Variants in GMDS observed in about 807,000 individuals in gnomAD.
GMDS encodes the protein GDP-mannose 4,6 dehydratase.
In GMDS, 20 loss-of-function variants were observed where a neutral mutation model predicts 49.9. The ratio of observed to expected loss-of-function variants is 0.40; its 90% CI spans 0.28 to 0.58. The LOEUF is 0.58. GMDS is among the 20% of genes least tolerant of loss of function. GMDS has a pLI of 0.42. For missense variants in GMDS, 362 were observed against 481.4 expected (o/e 0.75, Z 2.32); for synonymous variants, 177 against 178.6 (o/e 0.99, Z 0.07).
intron 4 of GMDS, among the ~76,000 whole-genome samples, chr6:2,093,304 A>T (rs1451049619): frequency 6.6e-6 from 1 of 152,234 alleles, no homozygotes; most frequent in Non-Finnish European, 1.5e-5. Flanking sequence ...GAAAAAACAC[A>T]AATAAGTACA....
At chr6:2,236,267 T>C (rs993609127) in intron 1 of GMDS, among the ~76,000 whole-genome samples, 5 of 152,148 alleles carry the variant, frequency 3.3e-5, no homozygotes, top group African/African-American at 1.2e-4. Context: ...GAAAATACTA[T>C]ACAAACAGAG....
At chr6:2,088,253 G>A (rs1419981178) in intron 4 of GMDS, among the ~76,000 whole-genome samples, 1 of 152,158 alleles carries the variant, frequency 6.6e-6, no homozygotes, top group Non-Finnish European at 1.5e-5. Context: ...GCAGAGTGTG[G>A]GGGATATGGG....
intron 7 of GMDS, among the ~76,000 whole-genome samples, chr6:1,882,304 T>A (rs1050449594): frequency 2.0e-5 from 3 of 152,242 alleles, no homozygotes; most frequent in Admixed American, 6.5e-5. Context: ...ATTGGCTTTT[T>A]AAAATGGATA....
At chr6:2,096,986 A>G (rs1773641388) in intron 4 of GMDS, among the ~76,000 whole-genome samples, 1 of 152,168 alleles carries the variant, frequency 6.6e-6, no homozygotes, top group Non-Finnish European at 1.5e-5. Context: ...TTATATAGTC[A>G]CTAAAGACAG....
intron 4 of GMDS, among the ~76,000 whole-genome samples, chr6:2,102,388 A>C (rs1773976320): frequency 6.6e-6 from 1 of 152,232 alleles, no homozygotes; most frequent in Admixed American, 6.5e-5. Flanking sequence ...GAAAATTAAT[A>C]TGCTGGTTTT....
chr6:2,068,604 C>T (rs1192449672), intron 4 of GMDS, among the ~76,000 whole-genome samples: 1 of 152,046 alleles, frequency 6.6e-6, no homozygotes, highest in Non-Finnish European at 1.5e-5. Context: ...AAATCACAAG[C>T]ATTCTTATAC....
chr6:2,201,420 A>T (rs34874947), intron 1 of GMDS, among the ~76,000 whole-genome samples: 5,783 of 85,180 alleles, frequency 0.068, 331 homozygotes, highest in Admixed American at 0.09. Context: ...GCAGCATGTT[A>T]GCAGAGAGGT....
intron 9 of GMDS, among the ~76,000 whole-genome samples, chr6:1,644,239 C>A (rs1763420884): frequency 6.6e-6 from 1 of 152,136 alleles, no homozygotes; most frequent in Non-Finnish European, 1.5e-5. Flanking sequence ...CTGATTCCAC[C>A]CGAGCGAACG....
intron 9 of GMDS, among the ~76,000 whole-genome samples, chr6:1,658,202 A>G (rs942533673): frequency 2.6e-5 from 4 of 152,234 alleles, no homozygotes; most frequent in Non-Finnish European, 5.9e-5. Flanking sequence ...TTCCTACTGA[A>G]GGTGTCCACA....
At chr6:1,638,265 G>A (rs1581396412) in intron 9 of GMDS, among the ~76,000 whole-genome samples, 1 of 152,170 alleles carries the variant, frequency 6.6e-6, no homozygotes, top group African/African-American at 2.4e-5. Context: ...AAAGCCTGAT[G>A]CCGCCCTGGG....
chr6:1,786,799 G>GTTT (rs35301662), intron 7 of GMDS, among the ~76,000 whole-genome samples: 66 of 149,470 alleles, frequency 4.4e-4, no homozygotes, highest in African/African-American at 1.6e-3. Flanking sequence ...GTAATTTGTG[G>GTTT]TTTTTTTTTT....
chr6:1,987,921 A>G (rs115501561), intron 4 of GMDS, among the ~76,000 whole-genome samples: 2,325 of 152,296 alleles, frequency 0.015, 54 homozygotes, highest in African/African-American at 0.053. Flanking sequence ...AAAAAAAACT[A>G]AAGCTCAGAG....
intron 1 of GMDS, among the ~76,000 whole-genome samples, chr6:2,130,775 T>TA (rs1187322166): frequency 6.6e-6 from 1 of 151,860 alleles, no homozygotes; most frequent in Non-Finnish European, 1.5e-5. Context: ...GATTTACATA[T>TA]AAAAAATATC....
Position 2,052,116 on chromosome 6 carries a change from CA to C in GMDS, c.345+63654del, listed in dbSNP as rs1285013159. ...TGGGTGACAGAGCAAGACTCTGTCT[CA>C]AAAAAAAAAAAAAGAAAAAAAAAAA... is the stretch of plus-strand genomic sequence containing the variant. On this transcript the variant is annotated intron_variant, in intron 4 of 10. Coordinates refer to ENST00000380815, the MANE Select transcript of GMDS (RefSeq NM_001500.4). Among the ~76,000 whole-genome samples, 322 of 43,598 alleles carry C rather than the reference CA, an allele frequency of 7.4e-3. 4 individuals carry two copies. The highest frequency in any genetic ancestry group is 0.025 in the African/African-American group (286 of 11,656). 28.6% of individuals were successfully genotyped at this position (43,598 alleles called of 152,430 possible).
At chr6:2,211,919 T>C (rs1780079487) in intron 1 of GMDS, among the ~76,000 whole-genome samples, 1 of 152,226 alleles carries the variant, frequency 6.6e-6, no homozygotes, top group Non-Finnish European at 1.5e-5. Context: ...AAAATATGAC[T>C]TTCCTATCCC....
chr6:2,089,650 T>C (rs777126857), intron 4 of GMDS, among the ~76,000 whole-genome samples: 9 of 152,342 alleles, frequency 5.9e-5, no homozygotes, highest in Non-Finnish European at 1.3e-4. Context: ...TGAAAACTTA[T>C]TCTTGGGTCT....
intron 7 of GMDS, among the ~76,000 whole-genome samples, chr6:1,785,860 A>G (rs937003611): frequency 1.3e-5 from 2 of 152,204 alleles, no homozygotes; most frequent in Non-Finnish European, 2.9e-5. Context: ...CGCACCATTC[A>G]GCACCCTCTT....
intron 8 of GMDS, among the ~76,000 whole-genome samples, chr6:1,737,888 A>C (rs531491156): frequency 7.6e-5 from 11 of 144,560 alleles, no homozygotes; most frequent in African/African-American, 2.8e-4. Context: ...TACACACGCA[A>C]CCCCACACAC....
At chr6:1,772,626 A>G (rs1337726727) in intron 7 of GMDS, among the ~76,000 whole-genome samples, 3 of 152,238 alleles carry the variant, frequency 2.0e-5, no homozygotes, top group Non-Finnish European at 4.4e-5. Flanking sequence ...CTAGACTAGC[A>G]AAGCACGGGG....
Sources: gnomAD v4.1 joint callset for allele counts (sites outside exome capture counted in the v4.1 genomes callset) on GRCh38, gnomAD v4.1.1 for gene constraint, MANE v1.5 for transcripts, NCBI Gene and HGNC (gene_info 2026-07-23, HGNC 2026-07-21) for gene names.